The following EPB41L3 variants were observed in gnomAD, a reference collection of about 807,000 sequenced individuals.
EPB41L3 encodes band 4.1-like protein 3.
Under a neutral mutation model 127.1 loss-of-function variants are expected in EPB41L3, and 57 were observed. The ratio of observed to expected loss-of-function variants is 0.45; its 90% confidence interval spans 0.36 to 0.56. The LOEUF is 0.56. Among genes scored for constraint, EPB41L3 ranks in the 20% least tolerant of loss-of-function variants. The pLI, the probability that EPB41L3 is intolerant of heterozygous loss-of-function variation, is 0.00. For synonymous variants in EPB41L3, 572 were observed against 549.5 expected (o/e 1.04, Z -0.57); for missense variants, 1,273 against 1,372.2 (o/e 0.93, Z 1.14).
chr18:5,594,236 A>G (rs2094515493), intron 3 of EPB41L3, among the ~76,000 whole-genome samples: 1 of 152,208 alleles, frequency 6.6e-6, no homozygotes, highest in African/African-American at 2.4e-5. Flanking sequence ...TGAAATCTTC[A>G]CAATCCATGT....
intron 2 of EPB41L3, among the ~76,000 whole-genome samples, chr18:5,482,885 C>A (rs554740241): frequency 1.3e-5 from 2 of 152,152 alleles, no homozygotes; most frequent in Admixed American, 1.3e-4. Context: ...AAATAAAAAA[C>A]CACTAATGTG....
intron 1 of EPB41L3, among the ~76,000 whole-genome samples, chr18:5,618,732 C>A (rs942577318): frequency 6.6e-6 from 1 of 152,182 alleles, no homozygotes; most frequent in African/African-American, 2.4e-5. Context: ...AAATCTCCAA[C>A]AAGCAACCCC....
At chr18:5,395,181 C>T (rs2073153407) in intron 20 of EPB41L3, 34 bp from the exon 21 acceptor site, 2 of 1,579,286 alleles carry the variant, frequency 1.3e-6, no homozygotes, top group African/African-American at 1.3e-5. Context: ...TATGAATTTA[C>T]TCACTGGGAG....
chr18:5,585,151 T>A (rs1312321823), intron 3 of EPB41L3, among the ~76,000 whole-genome samples: 1 of 152,176 alleles, frequency 6.6e-6, no homozygotes, highest in East Asian at 1.9e-4. Flanking sequence ...TCTCTTTGAG[T>A]TCTTCCAATT....
At chr18:5,616,116 C>T (rs536135687) in intron 1 of EPB41L3, among the ~76,000 whole-genome samples, 1 of 152,116 alleles carries the variant, frequency 6.6e-6, no homozygotes, top group Admixed American at 6.5e-5. Context: ...AAATATAGAA[C>T]AATGACAGCA....
At chr18:5,615,253 G>C (rs2094779892) in intron 1 of EPB41L3, among the ~76,000 whole-genome samples, 1 of 149,476 alleles carries the variant, frequency 6.7e-6, no homozygotes, top group African/African-American at 2.5e-5. Flanking sequence ...CCTTTTTTTT[G>C]AGAAGCATGG....
chr18:5,594,298 G>A (rs144449962), intron 3 of EPB41L3, among the ~76,000 whole-genome samples: 1,682 of 152,148 alleles, frequency 0.011, 24 homozygotes, highest in African/African-American at 0.038. Context: ...CTGACTTCCC[G>A]CAACACCCCC....
chr18:5,617,244 T>C (rs773085522), intron 1 of EPB41L3, among the ~76,000 whole-genome samples: 28 of 152,258 alleles, frequency 1.8e-4, no homozygotes, highest in Non-Finnish European at 3.5e-4. Context: ...TTATAAAAGA[T>C]GATAAATGAA....
chr18:5,433,655 T>C (rs1275747026), intron 7 of EPB41L3, 99 bp from the exon 8 acceptor site: 1 of 1,081,780 alleles, frequency 9.2e-7, no homozygotes, highest in African/African-American at 1.6e-5. Flanking sequence ...AGAAGTCCTA[T>C]GGAGGCACCA....
chr18:5,513,323 C>T (rs117232831), intron 1 of EPB41L3, among the ~76,000 whole-genome samples: 600 of 152,242 alleles, frequency 3.9e-3, no homozygotes, highest in Non-Finnish European at 6.4e-3. Context: ...GACCACAAAT[C>T]TACTATGTAG....
rs2073847531 is a variant in EPB41L3, at chr18:5,397,906, T to A, written c.2472+115A>T. ...AAAGGACAATAAGTGAAGACACCTT[T>A]GAGATGTTGAAGGCAAAGCCAGCTG... On this transcript the variant is annotated intron_variant, in intron 17 of 22. Coordinates refer to ENST00000341928, the MANE Select transcript of EPB41L3 (RefSeq NM_012307.5). This position sits in a 1 kb window ranked among gnomAD's most constrained non-coding sequence, Gnocchi z 4.1. The A allele has an allele frequency of 1.6e-6, 2 of 1,213,524 alleles. No homozygotes were observed. The highest frequency in any genetic ancestry group is 3.0e-5 in the African/African-American group (2 of 66,010). 75.2% of individuals were successfully genotyped at this position (1,213,524 alleles called of 1,614,324 possible).
upstream of EPB41L3, among the ~76,000 whole-genome samples, chr18:5,544,838 C>T (rs1424356028): frequency 6.6e-6 from 1 of 152,070 alleles, no homozygotes; most frequent in Non-Finnish European, 1.5e-5. Context: ...GATAGATTTC[C>T]TGTTTTCCAT....
chr18:5,400,775 T>G lies in EPB41L3; in HGVS notation c.2350-2632A>C, dbSNP rs2074376793. ...GCTTGGATTAGAAGCCATGAAGAAA[T>G]GATGCATAACTGATAACTAAAATAT... is the stretch of plus-strand genomic sequence containing the variant. On this transcript the variant is annotated intron_variant, in intron 16 of 22. Transcript: ENST00000341928. 18 of 580,162 alleles carry G rather than the reference T, an allele frequency of 3.1e-5. No homozygotes were observed. The East Asian group carries it at 5.2e-4, about 17-fold the overall frequency. 35.9% of individuals were successfully genotyped at this position (580,162 alleles called of 1,614,324 possible). A position where few individuals can be genotyped will look rare whatever the true frequency, so the allele number is the denominator to read the frequency against.
At chr18:5,625,910 T>C (rs1001921877) in intron 1 of EPB41L3, among the ~76,000 whole-genome samples, 1 of 152,128 alleles carries the variant, frequency 6.6e-6, no homozygotes, top group Non-Finnish European at 1.5e-5. Flanking sequence ...CTCTCTCTTT[T>C]TATTTCAAAG....
intron 14 of EPB41L3, among the ~76,000 whole-genome samples, chr18:5,410,267 T>C (rs77909491): frequency 0.014 from 2,119 of 151,600 alleles, 53 homozygotes; most frequent in African/African-American, 0.049. Context: ...TCTCAAAATA[T>C]GTCCTAAGAT....
chr18:5,416,908 C>T lies in EPB41L3; in HGVS notation c.1507-530G>A, dbSNP rs187264688. ...CTTTCCCTGGTTATTCAATTACATC[C>T]AAAACAAGGAGTTTACATTCCAAAT... On this transcript the variant is annotated intron_variant, in intron 12 of 22. Coordinates refer to ENST00000341928, the MANE Select transcript of EPB41L3 (RefSeq NM_012307.5). 2.9e-4 allele frequency among the ~76,000 whole-genome samples: 44 copies of T among 151,842 alleles called. No homozygotes were observed. In the Middle Eastern group the frequency reaches 0.01, roughly 35 times the overall value.
intron 13 of EPB41L3, among the ~76,000 whole-genome samples, chr18:5,415,457 G>A (rs987633474): frequency 2.0e-5 from 3 of 152,192 alleles, no homozygotes; most frequent in African/African-American, 7.2e-5. Context: ...CTCATCATCT[G>A]TCTTATATGT....
chr18:5,426,997 T>C (rs1002734799), intron 9 of EPB41L3, among the ~76,000 whole-genome samples: 1 of 152,188 alleles, frequency 6.6e-6, no homozygotes, highest in Non-Finnish European at 1.5e-5. Flanking sequence ...ACATGCTTTA[T>C]GTTTCAATTT....
intron 3 of EPB41L3, among the ~76,000 whole-genome samples, chr18:5,468,923 AAAACAAAAAAC>A (rs150571203): frequency 0.3 from 44,910 of 149,540 alleles, 7,346 homozygotes; most frequent in East Asian, 0.45. Flanking sequence ...CAAAAAACAA[AAAACAAAAAAC>A]AAACAAACAA....
Sources: gnomAD v4.1 joint callset for allele counts (sites outside exome capture counted in the v4.1 genomes callset) on GRCh38, gnomAD v4.1.1 for gene constraint, Gnocchi (gnomAD v3.1) non-coding constraint, MANE v1.5 for transcripts, NCBI Gene and HGNC (gene_info 2026-07-23, HGNC 2026-07-21) for gene names.